CHRNA7: variants seen among roughly 807,000 people sequenced by gnomAD.
CHRNA7 encodes the protein cholinergic receptor nicotinic alpha 7 subunit.
CHRNA7 carries 17 observed loss-of-function variants against 48.0 expected under a neutral mutation model. The observed-to-expected ratio is 0.35, with a 90% CI of 0.24 to 0.53. The LOEUF (loss-of-function observed/expected upper bound fraction) is 0.53. Among genes scored for constraint, CHRNA7 ranks in the 20% least tolerant of loss-of-function variants. CHRNA7 has a pLI of 0.92. For synonymous variants in CHRNA7, 75 were observed against 242.3 expected, an observed-to-expected ratio of 0.31 and a Z score of 6.41; for missense variants, 155 against 577.7, an observed-to-expected ratio of 0.27 and a Z score of 7.50.
intron 5 of CHRNA7, among the ~76,000 whole-genome samples, chr15:32,154,705 T>C (rs2051699205): frequency 9.4e-6 from 1 of 106,270 alleles, no homozygotes; most frequent in Non-Finnish European, 1.8e-5. Context: ...TATTCCAGGG[T>C]GATCTCCCAC....
At chr15:32,101,683 G>A (rs2141261592) in intron 3 of CHRNA7, 1 of 239,528 alleles carries the variant, frequency 4.2e-6, no homozygotes, top group South Asian at 1.5e-4. Context: ...CCAGGACTCA[G>A]AAGCTCCATC....
At chr15:32,152,053 T>G (rs900005090) in intron 4 of CHRNA7, among the ~76,000 whole-genome samples, 2 of 152,202 alleles carry the variant, frequency 1.3e-5, no homozygotes, top group Admixed American at 6.5e-5. Context: ...GGCTGTGTTT[T>G]AAGGGTACCC....
At chr15:32,061,525 A>G (rs1035875256) in intron 2 of CHRNA7, among the ~76,000 whole-genome samples, 2 of 152,190 alleles carry the variant, frequency 1.3e-5, no homozygotes, top group African/African-American at 4.8e-5. Flanking sequence ...AAATGAGATA[A>G]GGCCAGGTAC....
chr15:32,112,157 G>A (rs554543323), intron 4 of CHRNA7: 17 of 607,682 alleles, frequency 2.8e-5, no homozygotes, highest in Non-Finnish European at 3.7e-5. Context: ...GTATGTTCTC[G>A]GGGCCTAGTG....
chr15:32,035,524 G>A (rs978998616), intron 2 of CHRNA7, among the ~76,000 whole-genome samples: 2 of 152,324 alleles, frequency 1.3e-5, no homozygotes, highest in East Asian at 1.9e-4. Context: ...AAGTGGTCAT[G>A]CACTTACGTT....
chr15:32,091,798 T>C (rs1418412561), intron 2 of CHRNA7, among the ~76,000 whole-genome samples: 1 of 152,216 alleles, frequency 6.6e-6, no homozygotes, highest in Non-Finnish European at 1.5e-5. Flanking sequence ...GTACTTACAA[T>C]GTTCTTTTCA....
chr15:32,150,946 AGG>A (rs1555388923), intron 4 of CHRNA7, among the ~76,000 whole-genome samples: 8 of 151,020 alleles, frequency 5.3e-5, no homozygotes, highest in African/African-American at 1.5e-4. Flanking sequence ...TTTGGAAGTA[AGG>A]GGGGGGGATG....
At chr15:32,102,685 A>G (rs1321130051) in intron 3 of CHRNA7, 4 of 152,342 alleles carry the variant, frequency 2.6e-5, no homozygotes, top group South Asian at 2.1e-4. Context: ...AAATTAGTTC[A>G]TGTATCCACA....
intron 3 of CHRNA7, among the ~76,000 whole-genome samples, chr15:32,106,434 CT>C (rs2050670762): frequency 6.6e-6 from 1 of 152,148 alleles, no homozygotes; most frequent in Non-Finnish European, 1.5e-5. Context: ...TTTTGTTATT[CT>C]TTCTCCCAGT....
chr15:32,051,795 C>G (rs1274212175), intron 2 of CHRNA7, among the ~76,000 whole-genome samples: 1 of 152,108 alleles, frequency 6.6e-6, no homozygotes, highest in African/African-American at 2.4e-5. Flanking sequence ...CATCTTGGCT[C>G]CTCCCCAAGT....
At chr15:32,127,085 AATCC>A (rs2051079643) in intron 4 of CHRNA7, among the ~76,000 whole-genome samples, 2 of 152,156 alleles carry the variant, frequency 1.3e-5, no homozygotes, top group Non-Finnish European at 2.9e-5. Flanking sequence ...GGCAAACACT[AATCC>A]ATCTCTGTCA....
intron 2 of CHRNA7, among the ~76,000 whole-genome samples, chr15:32,058,298 T>G (rs1361074548): frequency 6.6e-6 from 1 of 152,202 alleles, no homozygotes; most frequent in African/African-American, 2.4e-5. Context: ...ACAGTAACCA[T>G]CAGTCATGCA....
At chr15:32,119,703 C>T (rs1005525062) in intron 4 of CHRNA7, among the ~76,000 whole-genome samples, 1 of 151,988 alleles carries the variant, frequency 6.6e-6, no homozygotes, top group African/African-American at 2.4e-5. Flanking sequence ...TGATTTTGTC[C>T]AGAAGTTATT....
chr15:32,144,296 T>C (rs572350185), intron 4 of CHRNA7, among the ~76,000 whole-genome samples: 8 of 152,374 alleles, frequency 5.3e-5, no homozygotes, highest in African/African-American at 7.2e-5. Context: ...GTTAGTCTGA[T>C]GGGCTTCCCT....
At chr15:32,053,705 C>G (rs1430824359) in intron 2 of CHRNA7, among the ~76,000 whole-genome samples, 1 of 152,178 alleles carries the variant, frequency 6.6e-6, no homozygotes, top group African/African-American at 2.4e-5. Flanking sequence ...GCCTTGGAGT[C>G]ACAGCTCCCA....
At chr15:32,131,497 T>C (rs1213367959) in intron 4 of CHRNA7, among the ~76,000 whole-genome samples, 1 of 152,194 alleles carries the variant, frequency 6.6e-6, no homozygotes, top group Non-Finnish European at 1.5e-5. Context: ...TCCCAGTTAC[T>C]GTATTTTTCA....
At chr15:32,141,917 TC>T (rs979256408) in intron 4 of CHRNA7, among the ~76,000 whole-genome samples, 2 of 152,224 alleles carry the variant, frequency 1.3e-5, no homozygotes, top group African/African-American at 2.4e-5. Context: ...TTTATTTCTT[TC>T]TCTTGCCTGA....
At position 32,149,181 on chromosome 15, in the gene CHRNA7, T is replaced by C. The variant is rs947098062; in HGVS notation, c.351-4726T>C. Among the ~76,000 whole-genome samples, 20 of 152,208 alleles carry C rather than the reference T, an allele frequency of 1.3e-4. No homozygotes were observed. The highest frequency in any genetic ancestry group is 4.3e-4 in the African/African-American group (18 of 41,446). On this transcript the variant is annotated intron_variant, in intron 4 of 9. Coordinates refer to ENST00000306901, the MANE Select transcript of CHRNA7 (RefSeq NM_000746.6). This position sits in a 1 kb window ranked among gnomAD's most constrained non-coding sequence, Gnocchi z 4.6. ...GTACTGTGTCTTCCAGTAGTCAAAA[T>C]AAAGAATATATTTGGCCATTTTCAG...
At position 32,059,677 on chromosome 15, in the gene CHRNA7, T is replaced by A. The variant is rs141362325; in HGVS notation, c.195+28640T>A. 1.6e-3 allele frequency among the ~76,000 whole-genome samples: 243 copies of A among 152,194 alleles called. 2 individuals are homozygous for A. The highest frequency in any genetic ancestry group is 9.0e-4 in the Non-Finnish European group (61 of 68,004). ...AATTCCAACTTGAGTCTAACAGATA[T>A]CTCAGAAAGAGACAACTGAGCGAAT... On this transcript the variant is annotated intron_variant, in intron 2 of 9. Transcript: ENST00000306901.
Sources: gnomAD v4.1 joint callset for allele counts (sites outside exome capture counted in the v4.1 genomes callset) on GRCh38, gnomAD v4.1.1 for gene constraint, Gnocchi (gnomAD v3.1) non-coding constraint, MANE v1.5 for transcripts, NCBI Gene and HGNC (gene_info 2026-07-23, HGNC 2026-07-21) for gene names.